The following PHKB variants were observed in gnomAD, a reference collection of about 807,000 sequenced individuals.
PHKB encodes the protein phosphorylase kinase regulatory subunit beta.
Under a neutral mutation model 152.1 loss-of-function variants are expected in PHKB, and 122 were observed. The ratio of observed to expected loss-of-function variants is 0.80; its 90% CI spans 0.69 to 0.93. PHKB has a LOEUF of 0.93. PHKB is among the 40% of genes least tolerant of loss of function. The pLI is 0.00. For missense variants in PHKB, 1,304 were observed against 1,328.4 expected (o/e 0.98, Z 0.29); for synonymous variants, 436 against 464.9 (o/e 0.94, Z 0.80).
intron 8 of PHKB, 118 bp downstream of exon 8, chr16:47,580,476 G>C: frequency 1.3e-6 from 1 of 742,658 alleles, no homozygotes; most frequent in Non-Finnish European, 2.4e-6. Flanking sequence ...TTATGTAGAA[G>C]CTCATGCTTG....
chr16:47,672,207 A>G (rs1416412103), intron 26 of PHKB, among the ~76,000 whole-genome samples: 1 of 152,110 alleles, frequency 6.6e-6, no homozygotes, highest in Non-Finnish European at 1.5e-5. Flanking sequence ...AATTACCTGC[A>G]TAGAATTTGA....
intron 1 of PHKB, among the ~76,000 whole-genome samples, chr16:47,484,868 T>C (rs1036067450): frequency 2.6e-5 from 4 of 152,212 alleles, no homozygotes; most frequent in Non-Finnish European, 4.4e-5. Flanking sequence ...TATAATATTT[T>C]CATATAGCAT....
intron 14 of PHKB, among the ~76,000 whole-genome samples, chr16:47,626,869 G>A (rs1312266421): frequency 6.6e-6 from 1 of 152,164 alleles, no homozygotes; most frequent in South Asian, 2.1e-4. Context: ...CCCTCCTACA[G>A]CCAAATGATA....
intron 1 of PHKB, among the ~76,000 whole-genome samples, chr16:47,469,609 G>A (rs72800655): frequency 0.011 from 1,636 of 152,138 alleles, 47 homozygotes; most frequent in East Asian, 0.09. Flanking sequence ...AGGGGAGAGT[G>A]AGGGAGAGGG....
intron 26 of PHKB, chr16:47,676,403 G>C (rs1228744273): frequency 6.6e-6 from 1 of 152,070 alleles, no homozygotes; most frequent in African/African-American, 2.4e-5. Context: ...GAGATTGATT[G>C]ATTGGTCATG....
chr16:47,540,217 C>T (rs1971028751), intron 6 of PHKB, among the ~76,000 whole-genome samples: 1 of 151,618 alleles, frequency 6.6e-6, no homozygotes, highest in Admixed American at 6.6e-5. Context: ...TCCTGCAGTA[C>T]CCTCAGGTTT....
At chr16:47,587,397 G>A (rs187128708) in intron 8 of PHKB, among the ~76,000 whole-genome samples, 4 of 152,118 alleles carry the variant, frequency 2.6e-5, no homozygotes, top group Admixed American at 2.6e-4. Context: ...CTAATATATT[G>A]GCTATCTTGT....
chr16:47,645,705 A>C (rs1171619915), intron 16 of PHKB, among the ~76,000 whole-genome samples: 3 of 151,774 alleles, frequency 2.0e-5, no homozygotes, highest in African/African-American at 7.3e-5. Context: ...GGGCTCTTTC[A>C]AAAAGTGGGC....
chr16:47,640,915 T>C, intron 14 of PHKB, 120 bp from the exon 15 acceptor site: 3 of 899,626 alleles, frequency 3.3e-6, no homozygotes, highest in Non-Finnish European at 5.6e-6. Context: ...GAGAGCCAGC[T>C]GGTGTCCATC....
Position 47,661,702 on chromosome 16 carries a change from G to T in PHKB, c.2197-17G>T. 5 of 1,582,538 alleles carry T rather than the reference G, an allele frequency of 3.2e-6. No individual in the cohort carries two copies. The South Asian group carries it at 5.5e-5, about 17-fold the overall frequency. On this transcript the variant is annotated splice_polypyrimidine_tract_variant and intron_variant, in intron 22 of 30. Transcript: ENST00000323584. ...ACCCATTTCATTCCAGTTCCTCACC[G>T]TGATTTATATTTTCAGGATTGCAGT... is the stretch of plus-strand genomic sequence containing the variant.
chr16:47,594,106 C>T, intron 11 of PHKB, 31 bp from the exon 12 acceptor site: 1 of 1,113,610 alleles, frequency 9.0e-7, no homozygotes, highest in South Asian at 1.3e-5. Context: ...TTAAGCTCAG[C>T]TGCTATTGGA....
chr16:47,596,502 A>T lies in PHKB; in HGVS notation c.1334A>T (p.Gln445Leu), dbSNP rs373548084. ...GRDGKLFLWG[Q>L]ALYIIAKLLA... ...GATGGAAAACTGTTTCTTTGGGGAC[A>T]AGCACTTTATATCATCGCAAAACTC... The change falls in exon 13 of 31, where the codon CAA becomes CTA. Residue 445 changes from glutamine (Q) to leucine (L), a missense_variant. Physicochemically the swap from Gln to Leu is moderately radical, Grantham distance 113. Transcript: ENST00000323584. The T allele has an allele frequency of 9.9e-6, 16 of 1,614,000 alleles. No homozygotes were observed. The highest frequency in any genetic ancestry group is 1.2e-5 in the Non-Finnish European group (14 of 1,179,890).
At chr16:47,616,836 A>G (rs1438692958) in intron 14 of PHKB, among the ~76,000 whole-genome samples, 2 of 151,768 alleles carry the variant, frequency 1.3e-5, no homozygotes, top group Non-Finnish European at 2.9e-5. Context: ...ACAGAGATTT[A>G]CCCACATATT....
intron 14 of PHKB, among the ~76,000 whole-genome samples, chr16:47,632,223 A>C (rs1164393111): frequency 1.3e-5 from 2 of 152,190 alleles, no homozygotes; most frequent in Non-Finnish European, 2.9e-5. Flanking sequence ...TGCTTAGTCT[A>C]CTTTTATAAG....
intron 27 of PHKB, among the ~76,000 whole-genome samples, chr16:47,691,866 T>C (rs1362791810): frequency 6.6e-6 from 1 of 152,264 alleles, no homozygotes; most frequent in Non-Finnish European, 1.5e-5. Context: ...AGTATTCTCA[T>C]GTTTCTACTT....
At position 47,516,715 on chromosome 16, in the gene PHKB, A is replaced by G. The variant is rs1264684595; in HGVS notation, c.594+1114A>G. 3.9e-5 allele frequency among the ~76,000 whole-genome samples: 6 copies of G among 152,204 alleles called. No individual in the cohort carries two copies. The East Asian group carries it at 9.6e-4, about 24-fold the overall frequency. ...GTAGTTTATATTCTCATACACACTT[A>G]TAGTGTATGAGTTTATAGTCTCATA... On this transcript the variant is annotated intron_variant, in intron 6 of 30. Transcript: ENST00000323584.
chr16:47,515,712 A>T (rs1482060115), intron 6 of PHKB, 111 bp downstream of exon 6: 1 of 683,590 alleles, frequency 1.5e-6, no homozygotes, highest in African/African-American at 1.8e-5. Flanking sequence ...TTCCTGTTAC[A>T]TTTATATAAT....
At chr16:47,536,527 C>T (rs1201745976) in intron 6 of PHKB, among the ~76,000 whole-genome samples, 2 of 152,232 alleles carry the variant, frequency 1.3e-5, no homozygotes, top group Admixed American at 6.5e-5. Context: ...AATATGTTTT[C>T]GATTTCAAAA....
chr16:47,626,415 T>G (rs569137715), intron 14 of PHKB, among the ~76,000 whole-genome samples: 1 of 152,362 alleles, frequency 6.6e-6, no homozygotes, highest in East Asian at 1.9e-4. Context: ...GAGCATCAAG[T>G]GCCAAAGAAG....
Sources: allele counts gnomAD v4.1 joint callset (sites outside exome capture counted in the v4.1 genomes callset), GRCh38; gene constraint gnomAD v4.1.1; transcripts MANE v1.5; gene names NCBI Gene and HGNC (gene_info 2026-07-23, HGNC 2026-07-21).